MCPH1: variants seen among roughly 807,000 people sequenced by gnomAD.
MCPH1 encodes microcephalin 1, also known as microcephalin.
MCPH1 carries 104 observed loss-of-function variants against 84.5 expected under a neutral mutation model. That is an observed-to-expected ratio of 1.23 (90% CI 1.05 to 1.45). MCPH1 has a LOEUF of 1.45. Ranked by LOEUF, MCPH1 falls within the 40% of genes most tolerant of loss-of-function variation. MCPH1 has a pLI of 0.00. For synonymous variants in MCPH1, 514 were observed against 366.8 expected, an observed-to-expected ratio of 1.40 and a Z score of -4.58; for missense variants, 1,498 against 1,005.7, an observed-to-expected ratio of 1.49 and a Z score of -6.62.
chr8:6,589,507 G>A (rs574768528), intron 12 of MCPH1, among the ~76,000 whole-genome samples: 4 of 152,204 alleles, frequency 2.6e-5, no homozygotes, highest in South Asian at 2.1e-4. Context: ...TTGGAGCACC[G>A]GCATCTGGAA....
chr8:6,529,667 G>A (rs1278847980), intron 12 of MCPH1, among the ~76,000 whole-genome samples: 2 of 130,466 alleles, frequency 1.5e-5, no homozygotes, highest in Non-Finnish European at 3.2e-5. Flanking sequence ...GTTTCACCAT[G>A]TTGCTCAAGC....
chr8:6,573,748 G>A (rs150293165), intron 12 of MCPH1, among the ~76,000 whole-genome samples: 1 of 152,158 alleles, frequency 6.6e-6, no homozygotes, highest in Non-Finnish European at 1.5e-5. Context: ...AAGTAAACCT[G>A]CCCACCCCAC....
chr8:6,424,366 A>T (rs1321288499), intron 3 of MCPH1, among the ~76,000 whole-genome samples: 1 of 152,182 alleles, frequency 6.6e-6, no homozygotes, highest in African/African-American at 2.4e-5. Flanking sequence ...ACCGAAGGCC[A>T]TCACCCCCTG....
At chr8:6,596,143 C>G (rs1420806784) in intron 12 of MCPH1, among the ~76,000 whole-genome samples, 1 of 152,144 alleles carries the variant, frequency 6.6e-6, no homozygotes, top group Non-Finnish European at 1.5e-5. Context: ...CCGTAAGCCA[C>G]GTGTGACACA....
chr8:6,469,791 A>G (rs1807472868), intron 9 of MCPH1, among the ~76,000 whole-genome samples: 1 of 152,238 alleles, frequency 6.6e-6, no homozygotes, highest in South Asian at 2.1e-4. Flanking sequence ...AAAATCAGCT[A>G]GACCATTTCC....
intron 12 of MCPH1, among the ~76,000 whole-genome samples, chr8:6,614,190 G>A (rs1227810701): frequency 1.3e-5 from 2 of 152,150 alleles, no homozygotes; most frequent in African/African-American, 4.8e-5. Context: ...CACCTCTTTT[G>A]CAATGATCAG....
chr8:6,525,315 A>T (rs1260138049), intron 12 of MCPH1, among the ~76,000 whole-genome samples: 1 of 152,178 alleles, frequency 6.6e-6, no homozygotes, highest in Non-Finnish European at 1.5e-5. Flanking sequence ...GGTTGGTATC[A>T]AACTCCTAGG....
chr8:6,482,098 G>A (rs1425653303), intron 11 of MCPH1, among the ~76,000 whole-genome samples: 1 of 152,122 alleles, frequency 6.6e-6, no homozygotes, highest in African/African-American at 2.4e-5. Context: ...ATAGAATCTC[G>A]TGATTTTGCA....
At position 6,540,135 on chromosome 8, in the gene MCPH1, A is replaced by G. The variant is rs79933637; in HGVS notation, c.2214+40206A>G. 5.4e-3 allele frequency among the ~76,000 whole-genome samples: 816 copies of G among 152,214 alleles called. 8 individuals are homozygous for G. The highest frequency in any genetic ancestry group is 0.019 in the African/African-American group (792 of 41,526). The stretch of plus-strand genomic sequence containing the variant: ...GAATGTCTGTGCTCTGGCAAATCCT[A>G]TCCGCTTTGCTCTTCTTTGAGTGCA... On this transcript the variant is annotated intron_variant, in intron 12 of 13. Transcript: ENST00000344683.
chr8:6,414,935 G>T, intron 3 of MCPH1, 52 bp downstream of exon 3: 2 of 1,587,504 alleles, frequency 1.3e-6, no homozygotes, highest in East Asian at 2.2e-5. Context: ...TATTGAAAAT[G>T]TGTGGAGATA....
At chr8:6,561,423 C>T (rs1055095459) in intron 12 of MCPH1, among the ~76,000 whole-genome samples, 8 of 152,194 alleles carry the variant, frequency 5.3e-5, no homozygotes, top group African/African-American at 1.7e-4. Flanking sequence ...TTAGTCGTTT[C>T]CTCTCTGAAG....
chr8:6,520,402 C>G (rs1045803128), intron 12 of MCPH1, among the ~76,000 whole-genome samples: 4 of 152,118 alleles, frequency 2.6e-5, no homozygotes, highest in African/African-American at 7.2e-5. Flanking sequence ...ATCATGACCC[C>G]ATTGCCTGCC....
intron 12 of MCPH1, among the ~76,000 whole-genome samples, chr8:6,598,340 G>C (rs575542371): frequency 6.6e-6 from 1 of 152,324 alleles, no homozygotes; most frequent in South Asian, 2.1e-4. Context: ...CATGCAGGGA[G>C]GGGAGGGATT....
intron 9 of MCPH1, among the ~76,000 whole-genome samples, chr8:6,469,975 A>T (rs1807496626): frequency 6.6e-6 from 1 of 152,024 alleles, no homozygotes; most frequent in Non-Finnish European, 1.5e-5. Context: ...GTTTGCTCTG[A>T]TTGCCTTTGG....
intron 12 of MCPH1, among the ~76,000 whole-genome samples, chr8:6,575,084 C>A (rs965826995): frequency 1.3e-5 from 2 of 152,146 alleles, no homozygotes; most frequent in Admixed American, 1.3e-4. Flanking sequence ...ATGCATGCAG[C>A]TTGCACACAT....
chr8:6,555,512 A>T (rs1185940183), intron 12 of MCPH1, among the ~76,000 whole-genome samples: 3 of 148,314 alleles, frequency 2.0e-5, no homozygotes, highest in African/African-American at 7.7e-5. Context: ...CCCAGGCTGG[A>T]GTACTATGGT....
At chr8:6,502,196 A>G (rs1812321828) in intron 12 of MCPH1, 2 of 152,180 alleles carry the variant, frequency 1.3e-5, no homozygotes, top group Admixed American at 1.3e-4. Flanking sequence ...TTTCCTCATC[A>G]TTAAAAGTAA....
At chr8:6,508,650 C>T (rs1814285423) in intron 12 of MCPH1, 2 of 585,288 alleles carry the variant, frequency 3.4e-6, no homozygotes, top group Non-Finnish European at 6.0e-6. Context: ...AGCACAAACG[C>T]AGGAGAGCTT....
intron 12 of MCPH1, among the ~76,000 whole-genome samples, chr8:6,538,988 G>A (rs1016471290): frequency 6.6e-6 from 1 of 152,000 alleles, no homozygotes; most frequent in African/African-American, 2.4e-5. Context: ...ACAGAAAAGT[G>A]GCAAAACTGG....
Sources: allele counts gnomAD v4.1 joint callset (sites outside exome capture counted in the v4.1 genomes callset), GRCh38; gene constraint gnomAD v4.1.1; transcripts MANE v1.5; gene names NCBI Gene and HGNC (gene_info 2026-07-23, HGNC 2026-07-21).